Variants in CFTR observed in about 807,000 individuals in gnomAD.
CFTR encodes the protein CF transmembrane conductance regulator.
CFTR carries 181 observed loss-of-function variants against 171.6 expected under a neutral mutation model. The ratio of observed to expected loss-of-function variants is 1.05; its 90% CI spans 0.93 to 1.19. The LOEUF (loss-of-function observed/expected upper bound fraction) is 1.19, where lower values mean the gene tolerates loss of function less well. Ranked by LOEUF, CFTR falls within the 50% of genes most tolerant of loss-of-function variation. CFTR has a pLI of 0.00. For synonymous variants in CFTR, 583 were observed against 608.0 expected, an observed-to-expected ratio of 0.96 and a Z score of 0.60; for missense variants, 1,968 against 1,734.7, an observed-to-expected ratio of 1.13 and a Z score of -2.39.
At chr7:117,491,259 A>G (rs1268077721) in intron 1 of CFTR, among the ~76,000 whole-genome samples, 2 of 152,070 alleles carry the variant, frequency 1.3e-5, no homozygotes, top group Non-Finnish European at 2.9e-5. Context: ...ACCATTGTAT[A>G]TGCAGTCTGC....
chr7:117,632,220 C>T (rs1038678376), intron 22 of CFTR, among the ~76,000 whole-genome samples: 5 of 152,060 alleles, frequency 3.3e-5, no homozygotes, highest in Non-Finnish European at 5.9e-5. Context: ...CACAACTTCC[C>T]GACCATGCTG....
At chr7:117,568,940 T>C (rs935307594) in intron 11 of CFTR, among the ~76,000 whole-genome samples, 1 of 152,176 alleles carries the variant, frequency 6.6e-6, no homozygotes, top group African/African-American at 2.4e-5. Context: ...TCTTGGTCAG[T>C]TGGGTGGATA....
At chr7:117,600,112 T>G (rs1432089933) in intron 15 of CFTR, among the ~76,000 whole-genome samples, 2 of 152,050 alleles carry the variant, frequency 1.3e-5, no homozygotes, top group African/African-American at 2.4e-5. Flanking sequence ...TTTAAAAAAT[T>G]TCTTCAAAGC....
intron 19 of CFTR, among the ~76,000 whole-genome samples, chr7:117,610,961 C>T (rs189479302): frequency 6.6e-6 from 1 of 152,148 alleles, no homozygotes; most frequent in African/African-American, 2.4e-5. Flanking sequence ...TTATATCAGT[C>T]AAATTAAACA....
intron 21 of CFTR, among the ~76,000 whole-genome samples, chr7:117,626,032 C>T (rs989334474): frequency 3.3e-5 from 5 of 152,070 alleles, no homozygotes; most frequent in East Asian, 1.9e-4. Flanking sequence ...TTTTCACATC[C>T]GTTAACAGTG....
chr7:117,570,692 A>T (rs570834818), intron 11 of CFTR, among the ~76,000 whole-genome samples: 1 of 152,334 alleles, frequency 6.6e-6, no homozygotes, highest in Admixed American at 6.5e-5. Context: ...AAGAAATTCT[A>T]TCTCAGACAC....
chr7:117,614,627 A>G lies in CFTR; in HGVS notation c.3382A>G (p.Arg1128Gly), dbSNP rs397508549. 4 of 1,609,206 alleles carry G rather than the reference A, an allele frequency of 2.5e-6. No individual in the cohort carries two copies. Among genetic ancestry groups the G allele is most frequent in the Non-Finnish European group, 3.4e-6 (4 of 1,175,928 alleles). The change falls in exon 21 of 27, where the codon AGA becomes GGA. Residue 1128 changes from arginine to glycine, a missense_variant. Transcript: ENST00000003084. ...TGCATCTATAGGAGAAGGAGAAGGAAGAGTTGGTATTATCCTGACTTTAGC... is the reference window on the plus strand; with the variant it reads ...TGCATCTATAGGAGAAGGAGAAGGAGGAGTTGGTATTATCCTGACTTTAGC... ...SILTTGEGEG[R>G]VGIILTLAMN... is the part of the protein sequence containing the mutation.
At position 117,594,973 on chromosome 7, in the gene CFTR, C is replaced by T; in HGVS notation, c.2534C>T (p.Thr845Ile). The change falls in exon 15 of 27, where the codon ACA becomes ATA. Residue 845 changes from threonine (T) to isoleucine (I), a missense_variant. Transcript: ENST00000003084. ...ATGGAGAGCATACCAGCAGTGACTA[C>T]ATGGAACACATACCTTCGATATATT... ...DDMESIPAVT[T>I]WNTYLRYITV... 1.9e-6 allele frequency: 3 copies of T among 1,612,644 alleles called. No homozygotes were observed. Among genetic ancestry groups the T allele is most frequent in the Non-Finnish European group, 2.5e-6 (3 of 1,179,020 alleles).
rs773627677 is a variant in CFTR at position 117,610,638 on chromosome 7, C to T, written c.3108C>T (p.Thr1036=). 1.9e-6 allele frequency: 3 copies of T among 1,613,490 alleles called. No individual in the cohort carries two copies. The East Asian group carries it at 6.7e-5, about 36-fold the overall frequency. Residue 1036 remains threonine, a synonymous_variant, in exon 19 of 27, where the codon ACC becomes ACT. Coordinates refer to ENST00000003084, the MANE Select transcript of CFTR (RefSeq NM_000492.4). ...TGTTGAGAGCATATTTCCTCCAAAC[C>T]TCACAGCAACTCAAACAACTGGAAT... ...FIMLRAYFLQ[T]SQQLKQLESE...
At chr7:117,662,927 C>T (rs2116217101) in intron 24 of CFTR, among the ~76,000 whole-genome samples, 1 of 152,138 alleles carries the variant, frequency 6.6e-6, no homozygotes, top group Middle Eastern at 3.4e-3. Flanking sequence ...GACTAATATT[C>T]AAGGGGGCAG....
chr7:117,634,333 T>G (rs1342136679), intron 22 of CFTR, among the ~76,000 whole-genome samples: 1 of 152,088 alleles, frequency 6.6e-6, no homozygotes. Flanking sequence ...GATGTCCCCT[T>G]TTTTGTTTTA....
At chr7:117,622,978 ATTT>A (rs1170081362) in intron 21 of CFTR, among the ~76,000 whole-genome samples, 3 of 152,198 alleles carry the variant, frequency 2.0e-5, no homozygotes, top group Admixed American at 2.0e-4. Flanking sequence ...AACTTTAAAC[ATTT>A]TTATAAAGAT....
chr7:117,662,013 A>G (rs527545658), intron 24 of CFTR, among the ~76,000 whole-genome samples: 28 of 151,232 alleles, frequency 1.9e-4, no homozygotes, highest in Non-Finnish European at 4.0e-4. Context: ...AAAACCCTCA[A>G]ATACTGCTGA....
At chr7:117,516,931 A>G (rs954705275) in intron 3 of CFTR, among the ~76,000 whole-genome samples, 5 of 152,150 alleles carry the variant, frequency 3.3e-5, no homozygotes, top group Non-Finnish European at 1.5e-5. Context: ...GGAGATAATG[A>G]TAGCACATTT....
intron 21 of CFTR, among the ~76,000 whole-genome samples, chr7:117,614,955 GA>G (rs1792462800): frequency 6.6e-6 from 1 of 151,960 alleles, no homozygotes; most frequent in Non-Finnish European, 1.5e-5. Context: ...CCTTATTCAG[GA>G]TTTTCTAGGA....
chr7:117,516,145 G>T (rs759439174), intron 3 of CFTR, among the ~76,000 whole-genome samples: 1 of 152,194 alleles, frequency 6.6e-6, no homozygotes, highest in Non-Finnish European at 1.5e-5. Flanking sequence ...GCTAACTAGT[G>T]TCCTTTAATG....
At chr7:117,500,203 T>G (rs796753200) in intron 1 of CFTR, among the ~76,000 whole-genome samples, 4 of 151,188 alleles carry the variant, frequency 2.6e-5, no homozygotes, top group Admixed American at 2.0e-4. Flanking sequence ...AGATGTCTGG[T>G]TTTTTTTTGT....
rs540765103 is a variant in CFTR, at chr7:117,609,930, A to G, written c.2989-589A>G. Among the ~76,000 whole-genome samples the G allele has an allele frequency of 5.1e-4, 77 of 152,244 alleles. 1 individual carries two copies. The highest frequency in any genetic ancestry group is 8.2e-4 in the Non-Finnish European group (56 of 68,006). On this transcript the variant is annotated intron_variant, in intron 18 of 26. Transcript: ENST00000003084. ...AATTTTTAAAATTTTCATAGAGCCT[A>G]TGAAAAATGTACTTGCAAATGGCTA...
chr7:117,507,015 A>G (rs903676390), intron 2 of CFTR, among the ~76,000 whole-genome samples: 2 of 152,198 alleles, frequency 1.3e-5, no homozygotes, highest in African/African-American at 4.8e-5. Context: ...ACATTAACCT[A>G]TCTGGCTCAA....
Sources: allele counts gnomAD v4.1 joint callset (sites outside exome capture counted in the v4.1 genomes callset), GRCh38; gene constraint gnomAD v4.1.1; transcripts MANE v1.5; gene names NCBI Gene and HGNC (gene_info 2026-07-23, HGNC 2026-07-21).